CDH6: variants seen among roughly 807,000 people sequenced by gnomAD.
CDH6 encodes cadherin-6.
In CDH6, 31 loss-of-function variants were observed where a neutral mutation model predicts 78.0. The ratio of observed to expected loss-of-function variants is 0.40; its 90% CI spans 0.30 to 0.54. The LOEUF (loss-of-function observed/expected upper bound fraction) is 0.54, where lower values mean the gene tolerates loss of function less well. Ranked by LOEUF, CDH6 falls within the 20% of genes least tolerant of loss-of-function variation. The pLI, the probability that CDH6 is intolerant of heterozygous loss-of-function variation, is 0.56. For synonymous variants in CDH6, 376 were observed against 368.8 expected (o/e 1.02, Z -0.23); for missense variants, 724 against 975.9 (o/e 0.74, Z 3.44).
chr5:31,251,915 A>C (rs1259893778), intron 1 of CDH6: 1 of 152,208 alleles, frequency 6.6e-6, no homozygotes, highest in Non-Finnish European at 1.5e-5. Flanking sequence ...GAAGTTTATA[A>C]AAAATTCCAG....
chr5:31,328,570 T>A lies in CDH6; in HGVS notation c.*5262T>A, dbSNP rs1423140554. The A allele has an allele frequency of 9.7e-6, 2 of 205,568 alleles. No individual in the cohort carries two copies. The highest frequency in any genetic ancestry group is 2.3e-5 in the African/African-American group (1 of 43,754). The allele number at this position is 205,568 out of a possible 1,614,324, so 12.7% of individuals were successfully genotyped here. ...GTGAACTGCCTAAGAGTAGGCCTTA[T>A]AATAAATGCTATGTGCGTCTTCAGT... On this transcript the variant is annotated 3_prime_UTR_variant, in exon 12 of 12. Transcript: ENST00000265071.
At chr5:31,265,278 C>T (rs10041435) in intron 1 of CDH6, among the ~76,000 whole-genome samples, 6 of 152,158 alleles carry the variant, frequency 3.9e-5, no homozygotes, top group Non-Finnish European at 5.9e-5. Flanking sequence ...CCTAATTGAT[C>T]GTCAGTCATT....
chr5:31,273,177 G>A (rs549973276), intron 2 of CDH6, among the ~76,000 whole-genome samples: 80 of 152,204 alleles, frequency 5.3e-4, no homozygotes, highest in Non-Finnish European at 7.5e-4. Flanking sequence ...TATTTTATCC[G>A]TTCTGAAAGG....
At chr5:31,286,397 A>G (rs1743013118) in intron 2 of CDH6, among the ~76,000 whole-genome samples, 1 of 152,234 alleles carries the variant, frequency 6.6e-6, no homozygotes, top group Non-Finnish European at 1.5e-5. Context: ...AAGATTAAGC[A>G]GACCTGGCAC....
intron 1 of CDH6, among the ~76,000 whole-genome samples, chr5:31,266,134 C>G (rs1385762871): frequency 6.6e-6 from 1 of 151,730 alleles, no homozygotes; most frequent in Non-Finnish European, 1.5e-5. Context: ...CTGTTTTTTT[C>G]GCCCAAAAAT....
intron 8 of CDH6, among the ~76,000 whole-genome samples, chr5:31,313,886 C>T (rs1393897806): frequency 1.3e-5 from 2 of 152,024 alleles, no homozygotes; most frequent in Non-Finnish European, 2.9e-5. Context: ...CTCTAGCTTA[C>T]TATAGAATTT....
intron 1 of CDH6, among the ~76,000 whole-genome samples, chr5:31,219,383 T>C (rs949684694): frequency 6.6e-6 from 1 of 152,132 alleles, no homozygotes; most frequent in Non-Finnish European, 1.5e-5. Flanking sequence ...CTGTAGGTTC[T>C]GTTTTTCTGG....
intron 1 of CDH6, among the ~76,000 whole-genome samples, chr5:31,238,536 C>T (rs934813941): frequency 3.3e-5 from 5 of 152,034 alleles, no homozygotes; most frequent in Middle Eastern, 3.2e-3. Context: ...TTTTCACTAT[C>T]GTAATCCTAA....
At chr5:31,212,692 G>A (rs187995115) in intron 1 of CDH6, among the ~76,000 whole-genome samples, 1 of 152,100 alleles carries the variant, frequency 6.6e-6, no homozygotes, top group East Asian at 1.9e-4. Context: ...CTTGTCCACG[G>A]GGTAACGACT....
At chr5:31,196,042 C>T (rs771858525) in intron 1 of CDH6, among the ~76,000 whole-genome samples, 3 of 152,116 alleles carry the variant, frequency 2.0e-5, no homozygotes, top group Non-Finnish European at 4.4e-5. Flanking sequence ...GCTTTTACAC[C>T]AATTTATTGC....
At chr5:31,242,274 A>G (rs1741624357) in intron 1 of CDH6, among the ~76,000 whole-genome samples, 1 of 152,192 alleles carries the variant, frequency 6.6e-6, no homozygotes, top group Non-Finnish European at 1.5e-5. Context: ...CTATAAATTC[A>G]GTTTATGGAG....
At chr5:31,226,367 G>T (rs111410415) in intron 1 of CDH6, among the ~76,000 whole-genome samples, 1 of 151,994 alleles carries the variant, frequency 6.6e-6, no homozygotes, top group African/African-American at 2.4e-5. Flanking sequence ...TAGAGACGAG[G>T]TTTCACCATG....
chr5:31,218,567 TG>T (rs1426420556), intron 1 of CDH6, among the ~76,000 whole-genome samples: 3 of 152,188 alleles, frequency 2.0e-5, no homozygotes, highest in Non-Finnish European at 4.4e-5. Context: ...GGGTAAGCTC[TG>T]GGTTCCTTTT....
intron 1 of CDH6, among the ~76,000 whole-genome samples, chr5:31,196,904 A>G (rs1275441142): frequency 4.6e-5 from 7 of 152,144 alleles, no homozygotes; most frequent in African/African-American, 7.2e-5. Flanking sequence ...CTCAATAACA[A>G]TAATAACATT....
chr5:31,292,116 A>T (rs1743182792), intron 2 of CDH6, among the ~76,000 whole-genome samples: 1 of 152,204 alleles, frequency 6.6e-6, no homozygotes, highest in Non-Finnish European at 1.5e-5. Flanking sequence ...TGATTTTGGA[A>T]ACATAGCACG....
intron 2 of CDH6, among the ~76,000 whole-genome samples, chr5:31,281,330 G>A (rs1411233878): frequency 6.6e-6 from 1 of 151,180 alleles, no homozygotes; most frequent in Admixed American, 6.6e-5. Context: ...AGAGAAAGGG[G>A]GCTGGGGGAG....
At chr5:31,279,200 C>A (rs1355059730) in intron 2 of CDH6, among the ~76,000 whole-genome samples, 1 of 152,172 alleles carries the variant, frequency 6.6e-6, no homozygotes, top group Admixed American at 6.5e-5. Context: ...GACTGGCCGC[C>A]TTAACACATA....
At chr5:31,202,177 T>A (rs1440835241) in intron 1 of CDH6, among the ~76,000 whole-genome samples, 5 of 152,218 alleles carry the variant, frequency 3.3e-5, no homozygotes, top group Admixed American at 6.5e-5. Context: ...TGGTCTGTGT[T>A]TTGAGATATA....
Position 31,297,415 on chromosome 5 carries a change from C to T in CDH6, c.643+7C>T. The T allele has an allele frequency of 1.3e-6, 2 of 1,583,270 alleles. No homozygotes were observed. The highest frequency in any genetic ancestry group is 1.7e-6 in the Non-Finnish European group (2 of 1,163,764). ...TCAGTTGAATCAGAAACAGGTTAGA[C>T]TTTTTGATCTTCCTTTTTATAATCT... On this transcript the variant is annotated splice_region_variant and intron_variant, in intron 4 of 11. Transcript: ENST00000265071.
Sources: allele counts gnomAD v4.1 joint callset (sites outside exome capture counted in the v4.1 genomes callset), GRCh38; gene constraint gnomAD v4.1.1; transcripts MANE v1.5; gene names NCBI Gene and HGNC (gene_info 2026-07-23, HGNC 2026-07-21).